The following ABCA13 variants were observed in gnomAD, a reference collection of about 807,000 sequenced individuals.
The protein encoded by ABCA13 is ATP-binding cassette sub-family A member 13.
ABCA13 carries 476 observed loss-of-function variants against 478.7 expected under a neutral mutation model. That is an observed-to-expected ratio of 0.99 (90% CI 0.92 to 1.07). The LOEUF is 1.07. Among genes scored for constraint, ABCA13 ranks in the 50% least tolerant of loss-of-function variants. The probability of loss-of-function intolerance (pLI) is 0.00; values close to 1 mark genes in which losing one functional copy is unlikely to be tolerated. For missense variants in ABCA13, 6,060 were observed against 5,910.6 expected (o/e 1.03, Z -0.83); for synonymous variants, 2,252 against 2,158.9 (o/e 1.04, Z -1.20).
intron 58 of ABCA13, among the ~76,000 whole-genome samples, chr7:48,607,324 G>A (rs1050435151): frequency 6.6e-6 from 1 of 152,126 alleles, no homozygotes; most frequent in Non-Finnish European, 1.5e-5. Flanking sequence ...GCACTTCCAC[G>A]GTTGAGGCAA....
At chr7:48,368,728 C>A in intron 32 of ABCA13, among the ~76,000 whole-genome samples, 1 of 142,324 alleles carries the variant, frequency 7.0e-6, no homozygotes, top group Non-Finnish European at 1.5e-5. Context: ...CATACACACA[C>A]ACATTTATAT....
intron 59 of ABCA13, among the ~76,000 whole-genome samples, chr7:48,620,348 A>G (rs930375647): frequency 5.7e-4 from 87 of 152,320 alleles, no homozygotes; most frequent in African/African-American, 1.9e-3. Context: ...TCCTCAGGCT[A>G]AGTAAAAGCA....
At chr7:48,286,142 G>A (rs1797702221) in intron 19 of ABCA13, among the ~76,000 whole-genome samples, 1 of 152,172 alleles carries the variant, frequency 6.6e-6, no homozygotes. Context: ...TTATCAGAGT[G>A]GCACATTTGT....
At position 48,352,265 on chromosome 7, in the gene ABCA13, G is replaced by A. The variant is rs369135279; in HGVS notation, c.10466G>A (p.Arg3489Gln). ...KLPPHVSYTI[R>Q]TNVLYSVRTD... is the part of the protein sequence containing the mutation. ...CCACCCCATGTCTCATACACAATCC[G>A]GACCAATGTGTTATACAGCGTGCGA... Residue 3489 changes from arginine (R) to glutamine (Q), a missense_variant, in exon 31 of 62, where the codon CGG becomes CAG. Around this residue, in one of 3 missense-constraint regions of ABCA13, gnomAD observed 4,423 missense variants for 4,309.1 expected, o/e 1.03. Coordinates refer to ENST00000435803, the MANE Select transcript of ABCA13 (RefSeq NM_152701.5). The A allele has an allele frequency of 6.2e-6, 10 of 1,613,586 alleles. No individual in the cohort carries two copies. Among genetic ancestry groups the A allele is most frequent in the African/African-American group, 2.7e-5 (2 of 74,712 alleles).
chr7:48,644,310 C>A (rs566589311), intron 60 of ABCA13, among the ~76,000 whole-genome samples: 56 of 152,284 alleles, frequency 3.7e-4, no homozygotes, highest in Non-Finnish European at 6.3e-4. Flanking sequence ...TCTGTTAGGC[C>A]ATGTTAAATT....
intron 3 of ABCA13, among the ~76,000 whole-genome samples, chr7:48,213,727 T>C (rs142546935): frequency 6.6e-6 from 1 of 152,342 alleles, no homozygotes. Context: ...TGTCACTGAC[T>C]TACCAACTAA....
chr7:48,271,843 A>G lies in ABCA13; in HGVS notation c.2177A>G (p.Glu726Gly), dbSNP rs770385975. The change falls in exon 17 of 62, where the codon GAG (glutamate) becomes GGG (glycine). Residue 726 changes from glutamate to glycine, a missense_variant. Physicochemically the swap from Glu to Gly is moderately conservative, Grantham distance 98 (BLOSUM62 -2). Coordinates refer to ENST00000435803, the MANE Select transcript of ABCA13 (RefSeq NM_152701.5). ...LMMEKKLHTLEDEQMNFLLSF... is the reference protein window; with the variant it reads ...LMMEKKLHTLGDEQMNFLLSF... ...ATGGAAAAGAAGTTGCACACCCTTG[A>G]GGATGAACAAATGAACTTTCTTTTA... The G allele has an allele frequency of 6.3e-7, 1 of 1,582,652 alleles. No homozygotes were observed. The highest frequency in any genetic ancestry group is 2.3e-5 in the East Asian group (1 of 43,782).
chr7:48,421,561 C>T (rs1820745522), intron 41 of ABCA13, among the ~76,000 whole-genome samples: 1 of 152,156 alleles, frequency 6.6e-6, no homozygotes, highest in Non-Finnish European at 1.5e-5. Flanking sequence ...CTCATGCCTC[C>T]CATTCTTTGA....
rs1413298167 is a variant in ABCA13 at position 48,617,480 on chromosome 7, C to A, written c.14837+2103C>A. Reference sequence around the variant, plus strand: ...GATTTCCCCGTGGAGAGGCAGGAGGCTGGTGAGGAGGGTCCCAGGCTTGGG... The same window carrying A: ...GATTTCCCCGTGGAGAGGCAGGAGGATGGTGAGGAGGGTCCCAGGCTTGGG... On this transcript the variant is annotated intron_variant, in intron 59 of 61. Transcript: ENST00000435803. Among the ~76,000 whole-genome samples the A allele has an allele frequency of 3.9e-5, 6 of 152,250 alleles. No individual in the cohort carries two copies. In the South Asian group the frequency reaches 6.2e-4, roughly 16 times the overall value.
At chr7:48,195,628 T>C (rs564229952) in intron 2 of ABCA13, among the ~76,000 whole-genome samples, 33 of 152,258 alleles carry the variant, frequency 2.2e-4, no homozygotes, top group African/African-American at 7.2e-4. Context: ...GGGACTCTTG[T>C]GATTGTCAGA....
chr7:48,570,986 GC>G (rs1787591331), intron 55 of ABCA13, among the ~76,000 whole-genome samples: 1 of 151,656 alleles, frequency 6.6e-6, no homozygotes, highest in Non-Finnish European at 1.5e-5. Flanking sequence ...TATTTTCTTA[GC>G]AGTTTTCCTG....
intron 1 of ABCA13, among the ~76,000 whole-genome samples, chr7:48,183,921 T>C (rs937365175): frequency 6.6e-6 from 1 of 152,238 alleles, no homozygotes; most frequent in Non-Finnish European, 1.5e-5. Flanking sequence ...TCTTAACAAC[T>C]GTGTATTTGG....
chr7:48,213,379 G>A (rs1017757648), intron 3 of ABCA13, among the ~76,000 whole-genome samples: 1 of 152,150 alleles, frequency 6.6e-6, no homozygotes, highest in African/African-American at 2.4e-5. Context: ...ATTGCAGTCT[G>A]TTAAGTGTGC....
At chr7:48,399,672 A>T (rs997441655) in intron 38 of ABCA13, among the ~76,000 whole-genome samples, 3 of 152,194 alleles carry the variant, frequency 2.0e-5, no homozygotes, top group African/African-American at 7.2e-5. Context: ...TAATGATAAG[A>T]GTAGAGCTGA....
At chr7:48,520,557 AT>A (rs201140003) in intron 53 of ABCA13, among the ~76,000 whole-genome samples, 8 of 146,838 alleles carry the variant, frequency 5.4e-5, no homozygotes, top group African/African-American at 1.1e-4. Context: ...TTTTTTTAAA[AT>A]TTTTTTTATT....
chr7:48,392,347 A>G (rs944524670), intron 38 of ABCA13, among the ~76,000 whole-genome samples: 3 of 152,200 alleles, frequency 2.0e-5, no homozygotes, highest in African/African-American at 4.8e-5. Context: ...ATTGAATTTG[A>G]TTTGATTTGT....
At chr7:48,571,255 T>C (rs1787617045) in intron 55 of ABCA13, among the ~76,000 whole-genome samples, 1 of 152,214 alleles carries the variant, frequency 6.6e-6, no homozygotes, top group Admixed American at 6.5e-5. Context: ...TATTTCTTTA[T>C]ATGGTAATCT....
intron 31 of ABCA13, 36 bp downstream of exon 31, chr7:48,352,523 A>G: frequency 6.5e-7 from 1 of 1,531,016 alleles, no homozygotes; most frequent in African/African-American, 1.4e-5. Flanking sequence ...CGACAGTGAG[A>G]AGGGCCTTGC....
intron 3 of ABCA13, among the ~76,000 whole-genome samples, chr7:48,214,139 G>T (rs545714636): frequency 6.6e-6 from 1 of 152,258 alleles, no homozygotes; most frequent in South Asian, 2.1e-4. Context: ...TAATCTCCTT[G>T]TACGTCTTCA....
Sources: allele counts gnomAD v4.1 joint callset (sites outside exome capture counted in the v4.1 genomes callset), GRCh38; gene constraint gnomAD v4.1.1; regional missense constraint gnomAD v4.1.1; transcripts MANE v1.5; gene names NCBI Gene and HGNC (gene_info 2026-07-23, HGNC 2026-07-21).